The following CD4 variants were observed in gnomAD, a reference collection of about 807,000 sequenced individuals.
The protein encoded by CD4 is CD4 molecule.
In CD4, 25 loss-of-function variants were observed where a neutral mutation model predicts 50.5. The observed-to-expected ratio is 0.49, with a 90% CI of 0.36 to 0.69. The LOEUF is 0.69. Among genes scored for constraint, CD4 ranks in the 30% least tolerant of loss-of-function variants. The probability of loss-of-function intolerance (pLI) is 0.00; values close to 1 mark genes in which losing one functional copy is unlikely to be tolerated. For synonymous variants in CD4, 207 were observed against 221.9 expected, an observed-to-expected ratio of 0.93 and a Z score of 0.60; for missense variants, 456 against 548.5, an observed-to-expected ratio of 0.83 and a Z score of 1.68.
At chr12:6,798,206 G>A (rs1942429152) in intron 1 of CD4, among the ~76,000 whole-genome samples, 1 of 131,598 alleles carries the variant, frequency 7.6e-6, no homozygotes, top group African/African-American at 2.8e-5. Flanking sequence ...GTCTTGCTCT[G>A]TCGCCCAGGC....
intron 1 of CD4, among the ~76,000 whole-genome samples, chr12:6,795,231 C>A (rs548692203): frequency 6.6e-6 from 1 of 152,172 alleles, no homozygotes; most frequent in East Asian, 1.9e-4. Flanking sequence ...TTTACCTAAT[C>A]TATCAATCTA....
Position 6,800,402 on chromosome 12 carries a change from A to G in CD4, c.145A>G (p.Ile49Val). The change falls in exon 3 of 10, where the codon ATA (isoleucine) becomes GTA (valine). Residue 49 changes from isoleucine (I) to valine (V), a missense_variant. Physicochemically the swap from Ile to Val is conservative, Grantham distance 29. Transcript: ENST00000011653. The stretch of plus-strand genomic sequence containing the variant: ...CTGTACAGCTTCCCAGAAGAAGAGC[A>G]TACAATTCCACTGGAAAAACTCCAA... ...LTCTASQKKS[I>V]QFHWKNSNQI... 1.2e-6 allele frequency: 2 copies of G among 1,614,166 alleles called. No homozygotes were observed. Among genetic ancestry groups the G allele is most frequent in the Non-Finnish European group, 8.5e-7 (1 of 1,179,968 alleles).
rs1942182966 is a variant in CD4 at position 6,792,241 on chromosome 12, G to T, written c.-68+2579G>T. On this transcript the variant is annotated intron_variant, in intron 1 of 9. Transcript: ENST00000011653. The surrounding 1 kb of genome is among the most constrained non-coding windows in gnomAD (Gnocchi z 4.1). ...CAGACTCTCGCTGTGGTGGAGCTGG[G>T]CCCTCTTACCCTCCCAAGCCTCGCC... 6.6e-6 allele frequency among the ~76,000 whole-genome samples: 1 copy of T among 152,032 alleles called. No individual in the cohort carries two copies. The highest frequency in any genetic ancestry group is 2.1e-4 in the South Asian group (1 of 4,814).
chr12:6,799,871 T>C (rs181494527), intron 1 of CD4, among the ~76,000 whole-genome samples: 19 of 152,292 alleles, frequency 1.2e-4, no homozygotes, highest in African/African-American at 2.9e-4. Context: ...ATTTATCTTC[T>C]GTTTTTGCTC....
At chr12:6,801,385 T>C (rs1555115224) in intron 3 of CD4, among the ~76,000 whole-genome samples, 4 of 148,942 alleles carry the variant, frequency 2.7e-5, no homozygotes, top group African/African-American at 9.8e-5. Flanking sequence ...GGTGTGGGGG[T>C]GCAGTCCTGT....
rs199774792 is a variant in CD4 at position 6,819,440 on chromosome 12, G to A, written c.*111G>A. ...ATCCCCAGCCTCTGGCCTCCTGTTC[G>A]CCTCCTCTACAATTTGCCATTGTTT... On this transcript the variant is annotated 3_prime_UTR_variant, in exon 10 of 10. Transcript: ENST00000011653. 1.5e-4 allele frequency: 149 copies of A among 1,002,370 alleles called. No homozygotes were observed. The highest frequency in any genetic ancestry group is 1.4e-4 in the Non-Finnish European group (91 of 630,472). 62.1% of individuals were successfully genotyped at this position (1,002,370 alleles called of 1,614,324 possible).
In CD4 at chr12:6,818,333, G is replaced by C; in HGVS notation, c.1157-88G>C. On this transcript the variant is annotated intron_variant, in intron 7 of 9. Coordinates refer to ENST00000011653, the MANE Select transcript of CD4 (RefSeq NM_000616.5). This position sits in a 1 kb window ranked among gnomAD's most constrained non-coding sequence, Gnocchi z 5.0. ...CCCCCAACCCCAGGGTCAAACCAGA[G>C]ACTGGCCAGGAGGGATTGCAGGGCA... is the stretch of plus-strand genomic sequence containing the variant. 6.5e-7 allele frequency: 1 copy of C among 1,533,698 alleles called. No individual in the cohort carries two copies. Among genetic ancestry groups the C allele is most frequent in the Non-Finnish European group, 8.9e-7 (1 of 1,127,178 alleles).
chr12:6,815,732 G>T (rs1565500298), intron 5 of CD4: 1 of 1,355,196 alleles, frequency 7.4e-7, no homozygotes, highest in Non-Finnish European at 9.7e-7. Context: ...TTTGTGAAGG[G>T]TGATGAATAC....
Position 6,792,960 on chromosome 12 carries a change from GGA to G in CD4, c.-68+3309_-68+3310del, listed in dbSNP as rs938580019. 1.3e-5 allele frequency among the ~76,000 whole-genome samples: 2 copies of G among 151,968 alleles called. No individual in the cohort carries two copies. The highest frequency in any genetic ancestry group is 2.9e-5 in the Non-Finnish European group (2 of 67,978). ...CAGATGTGAGCTGAGAAGCAAGGAG[GGA>G]GAGAGAGAGACAGAAAGAGAGAGAG... On this transcript the variant is annotated intron_variant, in intron 1 of 9. Transcript: ENST00000011653. This position sits in a 1 kb window ranked among gnomAD's most constrained non-coding sequence, Gnocchi z 4.1.
chr12:6,795,317 CCTGT>C (rs67096418), intron 1 of CD4, among the ~76,000 whole-genome samples: 44,941 of 151,756 alleles, frequency 0.3, 7,159 homozygotes, highest in South Asian at 0.5. Flanking sequence ...TATCTACCTA[CCTGT>C]CTATCTCAAG....
intron 1 of CD4, among the ~76,000 whole-genome samples, chr12:6,797,197 A>C (rs897081170): frequency 1.3e-5 from 2 of 152,068 alleles, no homozygotes; most frequent in Admixed American, 6.6e-5. Context: ...TCTAATCTAC[A>C]GCTGTCCATT....
intron 3 of CD4, among the ~76,000 whole-genome samples, chr12:6,804,346 GA>G (rs59703005): frequency 1 from 152,081 of 152,082 alleles, 76,040 homozygotes; most frequent in Non-Finnish European, 1. Context: ...AATAAGGCAA[GA>G]AAAATGAAAT....
At chr12:6,813,591 T>A (rs1341708531) in intron 3 of CD4, 1 of 152,342 alleles carries the variant, frequency 6.6e-6, no homozygotes. Flanking sequence ...TGCATAGCAG[T>A]CCACTGAATG....
At chr12:6,810,902 T>C (rs1192232528) in intron 3 of CD4, among the ~76,000 whole-genome samples, 1 of 151,884 alleles carries the variant, frequency 6.6e-6, no homozygotes. Flanking sequence ...TTTTAAAAAG[T>C]GTGAAACTGA....
intron 3 of CD4, among the ~76,000 whole-genome samples, chr12:6,812,998 C>T (rs947589454): frequency 1.3e-5 from 2 of 151,974 alleles, no homozygotes; most frequent in African/African-American, 4.8e-5. Flanking sequence ...GCCTCGACCT[C>T]CTGGGTCAGG....
Position 6,818,530 on chromosome 12 carries a change from C to CCGGCA in CD4, c.1268_1272dup (p.Arg425GlyfsTer62). The CCGGCA allele has an allele frequency of 6.2e-7, 1 of 1,612,794 alleles. No homozygotes were observed. The highest frequency in any genetic ancestry group is 8.5e-7 in the Non-Finnish European group (1 of 1,180,004). Reference sequence around the variant, plus strand: ...TAGGCATCTTCTTCTGTGTCAGGTGCCGGCACCGAAGGGTGAGTAACCCCA... The same window carrying CCGGCA: ...TAGGCATCTTCTTCTGTGTCAGGTGCCGGCACGGCACCGAAGGGTGAGTAACCCCA... On this transcript the variant is annotated frameshift_variant, in exon 8 of 10. Transcript: ENST00000011653. LOFTEE classifies it high-confidence loss of function. This position sits in a 1 kb window ranked among gnomAD's most constrained non-coding sequence, Gnocchi z 5.0.
At chr12:6,809,325 G>A (rs111398625) in intron 3 of CD4, among the ~76,000 whole-genome samples, 10 of 152,086 alleles carry the variant, frequency 6.6e-5, no homozygotes, top group South Asian at 2.1e-4. Flanking sequence ...GCGAAACCTC[G>A]TCTCTACAAA....
intron 7 of CD4, 96 bp downstream of exon 7, chr12:6,817,426 A>C: frequency 1.9e-6 from 2 of 1,053,866 alleles, no homozygotes; most frequent in Admixed American, 2.1e-5. Context: ...CCAATGCCTG[A>C]GTTGGGGGGT....
Position 6,818,084 on chromosome 12 carries a change from TCACACGCG to T in CD4, c.1157-327_1157-320del, listed in dbSNP as rs1279364038. On this transcript the variant is annotated intron_variant, in intron 7 of 9. Coordinates refer to ENST00000011653, the MANE Select transcript of CD4 (RefSeq NM_000616.5). This position sits in a 1 kb window ranked among gnomAD's most constrained non-coding sequence, Gnocchi z 5.0. ...CACGCACACACATTCACACATGGACTCACACGCGCACACGCGCGCACACACACACATTC... is the reference window on the plus strand; with the variant it reads ...CACGCACACACATTCACACATGGACTCACACGCGCGCACACACACACATTC... Among the ~76,000 whole-genome samples the T allele has an allele frequency of 5.8e-5, 6 of 103,048 alleles. No homozygotes were observed. Among genetic ancestry groups the T allele is most frequent in the African/African-American group, 2.0e-4 (6 of 30,326 alleles). The allele number at this position is 103,048 out of a possible 152,430, so 67.6% of individuals were successfully genotyped here.
Sources: allele counts gnomAD v4.1 joint callset (sites outside exome capture counted in the v4.1 genomes callset), GRCh38; gene constraint gnomAD v4.1.1; non-coding constraint Gnocchi (gnomAD v3.1); transcripts MANE v1.5; gene names NCBI Gene and HGNC (gene_info 2026-07-23, HGNC 2026-07-21).